The following CFH variants were observed in gnomAD, a reference collection of about 807,000 sequenced individuals.
CFH encodes the protein complement factor H.
A neutral mutation model predicts 147.3 loss-of-function variants in CFH; 53 were observed. The ratio of observed to expected loss-of-function variants is 0.36; its 90% CI spans 0.29 to 0.45. The LOEUF (loss-of-function observed/expected upper bound fraction) is 0.45. Among genes scored for constraint, CFH ranks in the 20% least tolerant of loss-of-function variants. The pLI is 1.00. For missense variants in CFH, 1,380 were observed against 1,498.0 expected (o/e 0.92, Z 1.30); for synonymous variants, 536 against 489.4 (o/e 1.10, Z -1.26).
chr1:196,717,420 T>C (rs956462882), intron 11 of CFH, among the ~76,000 whole-genome samples: 1 of 152,140 alleles, frequency 6.6e-6, no homozygotes, highest in Admixed American at 6.6e-5. Context: ...CTTAATATCA[T>C]TATCAAAGTG....
At chr1:196,740,299 T>C (rs1652767261) in intron 17 of CFH, among the ~76,000 whole-genome samples, 1 of 152,232 alleles carries the variant, frequency 6.6e-6, no homozygotes, top group Non-Finnish European at 1.5e-5. Context: ...ATATATTATG[T>C]TTTACCTGGA....
chr1:196,736,992 T>C lies in CFH; in HGVS notation c.2582T>C (p.Ile861Thr). Residue 861 changes from isoleucine (I) to threonine (T), a missense_variant, in exon 16 of 22, where the codon ATA becomes ACA. Ile to Thr is a moderately conservative substitution (Grantham distance 89). Coordinates refer to ENST00000367429, the MANE Select transcript of CFH (RefSeq NM_000186.4). Reference sequence around the variant, plus strand: ...TGCAAAGATGGAAGATGGCAGTCAATACCACTCTGTGTTGGTCAGTAGTGT... The same window carrying C: ...TGCAAAGATGGAAGATGGCAGTCAACACCACTCTGTGTTGGTCAGTAGTGT... ...ITCKDGRWQS[I>T]PLCVEKIPCS... 1 of 1,609,876 alleles carries C rather than the reference T, an allele frequency of 6.2e-7. No individual in the cohort carries two copies. The highest frequency in any genetic ancestry group is 8.5e-7 in the Non-Finnish European group (1 of 1,177,180).
At chr1:196,672,856 G>C in intron 1 of CFH, 122 bp from the exon 2 acceptor site, 1 of 724,844 alleles carries the variant, frequency 1.4e-6, no homozygotes, top group Non-Finnish European at 2.3e-6. Context: ...GAGAGAGAGA[G>C]AGAGAGAGAA....
intron 9 of CFH, chr1:196,701,246 C>T: frequency 6.2e-7 from 1 of 1,606,618 alleles, no homozygotes; most frequent in East Asian, 2.2e-5. Context: ...TTCAGTTAGT[C>T]CTGAAGGAGT....
chr1:196,658,123 G>C (rs1666767518), intron 1 of CFH, among the ~76,000 whole-genome samples: 1 of 151,838 alleles, frequency 6.6e-6, no homozygotes, highest in East Asian at 1.9e-4. Context: ...TTGATTTTTA[G>C]CTTTGACCAA....
Position 196,685,070 on chromosome 1 carries a change from C to T in CFH, c.797C>T (p.Ser266Leu), listed in dbSNP as rs764736384. 3 of 1,606,460 alleles carry T rather than the reference C, an allele frequency of 1.9e-6. No individual in the cohort carries two copies. The highest frequency in any genetic ancestry group is 2.6e-6 in the Non-Finnish European group (3 of 1,173,488). ...ATATCCTTTTTCTTTTCAGAAAAAT[C>T]ATGTGATAATCCTTATATTCCAAAT... ...WRPLPSCEEKSCDNPYIPNGD... is the reference protein window; with the variant it reads ...WRPLPSCEEKLCDNPYIPNGD... The change falls in exon 7 of 22, where the codon TCA becomes TTA. Residue 266 changes from serine to leucine, a missense_variant. By Grantham distance (145) the Ser-to-Leu change is moderately radical (BLOSUM62 -2). Coordinates refer to ENST00000367429, the MANE Select transcript of CFH (RefSeq NM_000186.4).
chr1:196,723,997 C>G (rs1280360550), intron 11 of CFH, among the ~76,000 whole-genome samples: 1 of 152,042 alleles, frequency 6.6e-6, no homozygotes, highest in Non-Finnish European at 1.5e-5. Context: ...TGGGATGGAT[C>G]TATACTCCTC....
At chr1:196,667,641 T>C (rs774934796) in intron 1 of CFH, among the ~76,000 whole-genome samples, 9 of 152,110 alleles carry the variant, frequency 5.9e-5, no homozygotes, top group Non-Finnish European at 1.2e-4. Context: ...AGTCAGACAA[T>C]CTTTGTATGT....
intron 1 of CFH, among the ~76,000 whole-genome samples, chr1:196,666,804 CAAAA>C (rs10616982): frequency 1.3e-4 from 11 of 84,070 alleles, no homozygotes; most frequent in East Asian, 7.0e-4. Context: ...GACTCCGTCT[CAAAA>C]AAAAAAAAAA....
intron 17 of CFH, among the ~76,000 whole-genome samples, chr1:196,739,799 G>A (rs563083483): frequency 5.9e-5 from 9 of 152,242 alleles, no homozygotes; most frequent in Non-Finnish European, 1.3e-4. Context: ...TATCTTTACA[G>A]CAGCACCCTA....
intron 20 of CFH, among the ~76,000 whole-genome samples, chr1:196,745,003 C>T (rs1016096665): frequency 3.9e-5 from 6 of 152,072 alleles, no homozygotes; most frequent in African/African-American, 7.2e-5. Context: ...ACTTGAAAAC[C>T]GTGCCACATG....
chr1:196,677,400 G>A, intron 4 of CFH, 76 bp from the exon 5 acceptor site: 1 of 1,322,998 alleles, frequency 7.6e-7, no homozygotes, highest in Admixed American at 1.7e-5. Flanking sequence ...TCCTGAGGAT[G>A]ATTTTATACA....
At chr1:196,704,686 A>T (rs927221647) in intron 9 of CFH, among the ~76,000 whole-genome samples, 1 of 152,208 alleles carries the variant, frequency 6.6e-6, no homozygotes, top group Non-Finnish European at 1.5e-5. Context: ...TTGAGAGAAA[A>T]GGCACAGCAA....
intron 15 of CFH, among the ~76,000 whole-genome samples, chr1:196,731,173 G>A (rs1669272208): frequency 6.6e-6 from 1 of 151,526 alleles, no homozygotes; most frequent in African/African-American, 2.4e-5. Context: ...CTTTATTCAT[G>A]GTTTGATGAC....
At chr1:196,699,253 C>T (rs1668380913) in intron 9 of CFH, among the ~76,000 whole-genome samples, 1 of 151,950 alleles carries the variant, frequency 6.6e-6, no homozygotes, top group Non-Finnish European at 1.5e-5. Context: ...TTAAATTATC[C>T]ATTCTAATAT....
intron 1 of CFH, among the ~76,000 whole-genome samples, chr1:196,659,236 C>T (rs538948612): frequency 7.6e-4 from 115 of 152,202 alleles, no homozygotes; most frequent in Non-Finnish European, 1.3e-3. Flanking sequence ...CTTGAACATT[C>T]GATTGTTAGT....
In CFH at chr1:196,729,887, C is replaced by T. The variant is rs149831013; in HGVS notation, c.2413+1365C>T. On this transcript the variant is annotated intron_variant, in intron 15 of 21. Transcript: ENST00000367429. ...TTTGTTGGCATATAATTGCTAATAACGGTCTCTCATTATACTTTGTATTTT... is the reference window on the plus strand; with the variant it reads ...TTTGTTGGCATATAATTGCTAATAATGGTCTCTCATTATACTTTGTATTTT... Among the ~76,000 whole-genome samples, 151 of 151,872 alleles carry T rather than the reference C, an allele frequency of 9.9e-4. 1 individual carries two copies. The highest frequency in any genetic ancestry group is 1.8e-3 in the Non-Finnish European group (120 of 67,846).
At position 196,743,506 on chromosome 1, in the gene CFH, A is replaced by G. The variant is rs1178386811; in HGVS notation, c.3188A>G (p.Gln1063Arg). The G allele has an allele frequency of 6.2e-7, 1 of 1,614,102 alleles. No individual in the cohort carries two copies. The highest frequency in any genetic ancestry group is 1.7e-5 in the Admixed American group (1 of 60,030). ...TVQNAYIVSRQMSKYPSGERV... is the reference protein window; with the variant it reads ...TVQNAYIVSRRMSKYPSGERV... ...CAAAATGCTTATATAGTGTCGAGAC[A>G]GATGAGTAAATATCCATCTGGTGAG... Residue 1063 changes from glutamine (Q) to arginine (R), a missense_variant, in exon 20 of 22, where the codon CAG becomes CGG. By Grantham distance (43) the Gln-to-Arg change is conservative. Coordinates refer to ENST00000367429, the MANE Select transcript of CFH (RefSeq NM_000186.4).
rs750405560 is a variant in CFH, at chr1:196,689,412, A to G, written c.965-8A>G. On this transcript the variant is annotated splice_region_variant and splice_polypyrimidine_tract_variant and intron_variant, in intron 7 of 21. Coordinates refer to ENST00000367429, the MANE Select transcript of CFH (RefSeq NM_000186.4). ...TCTTTATACTTTTTTTAAAATTTTT[A>G]TTGCAAGTGAAACCTTGTGATTATC... is the stretch of plus-strand genomic sequence containing the variant. 1.2e-6 allele frequency: 2 copies of G among 1,611,112 alleles called. No individual in the cohort carries two copies. The highest frequency in any genetic ancestry group is 1.7e-5 in the Admixed American group (1 of 59,766).
Sources: allele counts gnomAD v4.1 joint callset (sites outside exome capture counted in the v4.1 genomes callset), GRCh38; gene constraint gnomAD v4.1.1; transcripts MANE v1.5; gene names NCBI Gene and HGNC (gene_info 2026-07-23, HGNC 2026-07-21).